Variants in TTC6 observed in about 807,000 individuals in gnomAD.
TTC6 encodes tetratricopeptide repeat protein 6.
Under a neutral mutation model 210.4 loss-of-function variants are expected in TTC6, and 172 were observed. That is an observed-to-expected ratio of 0.82 (90% CI 0.72 to 0.93). TTC6 has a LOEUF of 0.93. Among genes scored for constraint, TTC6 ranks in the 40% least tolerant of loss-of-function variants. The pLI is 0.00. For missense variants in TTC6, 2,414 were observed against 2,318.1 expected (o/e 1.04, Z -0.85); for synonymous variants, 804 against 819.6 (o/e 0.98, Z 0.32).
intron 6 of TTC6, among the ~76,000 whole-genome samples, chr14:37,721,846 C>CTATATATATATATATATATATATATA: frequency 2.8e-5 from 1 of 36,216 alleles, no homozygotes; most frequent in African/African-American, 8.6e-5. Context: ...GTGAGTTTCA[C>CTATATATATATATATATATATATATA]CATATATATA....
intron 7 of TTC6, among the ~76,000 whole-genome samples, chr14:37,733,618 T>C (rs1293192350): frequency 6.6e-6 from 1 of 152,208 alleles, no homozygotes; most frequent in Non-Finnish European, 1.5e-5. Context: ...CATCTTCTGC[T>C]TCTCCTAAAC....
chr14:37,667,575 C>G (rs1310456842), intron 1 of TTC6, among the ~76,000 whole-genome samples: 1 of 150,434 alleles, frequency 6.6e-6, no homozygotes, highest in African/African-American at 2.4e-5. Context: ...TGTTTGAATC[C>G]CATTTAGACT....
chr14:37,841,587 T>G, exon 30 of TTC6: 2 of 1,607,428 alleles, frequency 1.2e-6, no homozygotes, highest in Non-Finnish European at 1.7e-6. Flanking sequence ...AGCTGTCCCT[T>G]TTGGGCTGCA....
intron 3 of TTC6, among the ~76,000 whole-genome samples, chr14:37,692,222 A>AG (rs2095804959): frequency 6.8e-6 from 1 of 148,008 alleles, no homozygotes; most frequent in Non-Finnish European, 1.5e-5. Context: ...AAAAAAAAAA[A>AG]AAAAAAAAAA....
At chr14:37,827,626 C>G (rs1265987051) in intron 29 of TTC6, among the ~76,000 whole-genome samples, 1 of 151,832 alleles carries the variant, frequency 6.6e-6, no homozygotes, top group African/African-American at 2.4e-5. Context: ...TTGCTAGAAT[C>G]TTATTGAGAC....
chr14:37,634,993 A>G (rs551880842), intron 1 of TTC6, among the ~76,000 whole-genome samples: 5 of 152,326 alleles, frequency 3.3e-5, no homozygotes, highest in East Asian at 1.9e-4. Flanking sequence ...AACAGAAAAG[A>G]TTAGAAAAAA....
chr14:37,746,482 A>C (rs1028906956), intron 10 of TTC6, among the ~76,000 whole-genome samples: 1 of 152,188 alleles, frequency 6.6e-6, no homozygotes, highest in African/African-American at 2.4e-5. Flanking sequence ...AGGTCTACCA[A>C]ATAAGAGACC....
intron 29 of TTC6, among the ~76,000 whole-genome samples, chr14:37,838,762 A>G (rs1230603939): frequency 1.3e-5 from 2 of 152,104 alleles, no homozygotes; most frequent in Non-Finnish European, 2.9e-5. Context: ...TAAATGTGCC[A>G]TGTGGGTTTG....
At chr14:37,638,877 T>C (rs1053863012) in intron 1 of TTC6, among the ~76,000 whole-genome samples, 1 of 152,224 alleles carries the variant, frequency 6.6e-6, no homozygotes, top group Non-Finnish European at 1.5e-5. Context: ...CCTGTTTTTA[T>C]AAGAAGATAC....
At chr14:37,620,648 A>G (rs1385876081), upstream of TTC6, among the ~76,000 whole-genome samples, 1 of 152,232 alleles carries the variant, frequency 6.6e-6, no homozygotes, top group Non-Finnish European at 1.5e-5. Flanking sequence ...GCCCTGCTGA[A>G]TAACAGAATT....
chr14:37,686,504 A>C (rs72674273), intron 3 of TTC6, among the ~76,000 whole-genome samples: 1 of 152,318 alleles, frequency 6.6e-6, no homozygotes, highest in Non-Finnish European at 1.5e-5. Flanking sequence ...CCAATTCAAT[A>C]AATTTCCTAA....
chr14:37,772,115 C>T (rs935495972), intron 14 of TTC6, among the ~76,000 whole-genome samples: 59 of 152,152 alleles, frequency 3.9e-4, no homozygotes, highest in South Asian at 2.1e-4. Context: ...TTAGGCTGCT[C>T]GGGGATCAGG....
chr14:37,786,303 A>G (rs763668080), intron 14 of TTC6, among the ~76,000 whole-genome samples: 58 of 152,212 alleles, frequency 3.8e-4, no homozygotes, highest in Non-Finnish European at 5.7e-4. Flanking sequence ...CGCTTTGTTT[A>G]CCTACTTAAG....
chr14:37,750,723 TA>T (rs925655257), intron 12 of TTC6, among the ~76,000 whole-genome samples: 2 of 150,080 alleles, frequency 1.3e-5, no homozygotes, highest in African/African-American at 2.4e-5. Context: ...CCTGTGTCTA[TA>T]AAAAAAAATA....
At chr14:37,729,930 T>A (rs555959827) in intron 7 of TTC6, among the ~76,000 whole-genome samples, 1 of 152,266 alleles carries the variant, frequency 6.6e-6, no homozygotes, top group Admixed American at 6.5e-5. Context: ...GTAGCAGGAA[T>A]AGGAAGAATT....
At chr14:37,675,118 T>A (rs2095766200) in intron 1 of TTC6, among the ~76,000 whole-genome samples, 1 of 152,034 alleles carries the variant, frequency 6.6e-6, no homozygotes, top group African/African-American at 2.4e-5. Context: ...AGTACACAAT[T>A]CAGTGGCATC....
intron 8 of TTC6, among the ~76,000 whole-genome samples, chr14:37,737,022 T>C (rs1311511937): frequency 6.6e-6 from 1 of 152,120 alleles, no homozygotes. Flanking sequence ...CCTCCCAAAC[T>C]GTTGGGATTG....
intron 14 of TTC6, among the ~76,000 whole-genome samples, chr14:37,769,330 G>A (rs1298685789): frequency 8.1e-4 from 123 of 151,656 alleles, no homozygotes; most frequent in Non-Finnish European, 1.4e-3. Context: ...ATGAGTTAGG[G>A]AGGATTCCCT....
At chr14:37,603,409 A>G (rs1303505551) in intron 1 of TTC6, among the ~76,000 whole-genome samples, 1 of 152,140 alleles carries the variant, frequency 6.6e-6, no homozygotes, top group Non-Finnish European at 1.5e-5. Context: ...TAAGAAGGAA[A>G]CCGCTATGGT....
Sources: gnomAD v4.1 joint callset for allele counts (sites outside exome capture counted in the v4.1 genomes callset) on GRCh38, gnomAD v4.1.1 for gene constraint, MANE v1.5 for transcripts, NCBI Gene and HGNC (gene_info 2026-07-23, HGNC 2026-07-21) for gene names.